PDS5A: variants seen among roughly 807,000 people sequenced by gnomAD.
PDS5A encodes PDS5 cohesin associated factor A.
Under a neutral mutation model 167.1 loss-of-function variants are expected in PDS5A, and 42 were observed. The observed-to-expected ratio is 0.25, with a 90% CI of 0.20 to 0.33. The LOEUF is 0.33. PDS5A is among the 10% of genes least tolerant of loss of function. The pLI, the probability that PDS5A is intolerant of heterozygous loss-of-function variation, is 1.00. For missense variants in PDS5A, 1,033 were observed against 1,605.9 expected (o/e 0.64, Z 6.10); for synonymous variants, 553 against 554.6 (o/e 1.00, Z 0.04).
chr4:39,892,215 G>A (rs1418345834), intron 16 of PDS5A, among the ~76,000 whole-genome samples: 1 of 152,226 alleles, frequency 6.6e-6, no homozygotes, highest in Non-Finnish European at 1.5e-5. Context: ...CGAGGTGACG[G>A]ATCGTTTGAG....
intron 19 of PDS5A, among the ~76,000 whole-genome samples, chr4:39,876,589 A>C (rs1374570871): frequency 6.6e-6 from 1 of 152,210 alleles, no homozygotes; most frequent in Non-Finnish European, 1.5e-5. Context: ...AAGATGCCAA[A>C]GTGAACTATT....
At chr4:39,868,094 AGAT>A (rs1719711826) in intron 22 of PDS5A, among the ~76,000 whole-genome samples, 1 of 152,214 alleles carries the variant, frequency 6.6e-6, no homozygotes, top group Non-Finnish European at 1.5e-5. Context: ...TTATCAAAGA[AGAT>A]GATACAATCT....
At chr4:39,941,503 C>T (rs1458599975) in intron 2 of PDS5A, among the ~76,000 whole-genome samples, 5 of 152,168 alleles carry the variant, frequency 3.3e-5, no homozygotes, top group East Asian at 1.9e-4. Flanking sequence ...TTTCCTATTT[C>T]GTACTATTAT....
intron 20 of PDS5A, among the ~76,000 whole-genome samples, chr4:39,873,552 A>G (rs183154769): frequency 1.4e-3 from 208 of 152,252 alleles, no homozygotes; most frequent in African/African-American, 4.9e-3. Flanking sequence ...ACTATCTCCA[A>G]TTTATGATAA....
intron 2 of PDS5A, among the ~76,000 whole-genome samples, chr4:39,971,863 A>G (rs1309944030): frequency 6.6e-6 from 1 of 152,212 alleles, no homozygotes; most frequent in African/African-American, 2.4e-5. Flanking sequence ...GATTCTAATA[A>G]AAAAACAAAA....
At chr4:39,869,735 T>C (rs1560441562) in intron 21 of PDS5A, among the ~76,000 whole-genome samples, 1 of 152,168 alleles carries the variant, frequency 6.6e-6, no homozygotes, top group Non-Finnish European at 1.5e-5. Context: ...CTTGCATATA[T>C]GGTAATTCAT....
At chr4:39,828,009 A>G (rs1715474510) in intron 32 of PDS5A, among the ~76,000 whole-genome samples, 1 of 152,216 alleles carries the variant, frequency 6.6e-6, no homozygotes, top group Non-Finnish European at 1.5e-5. Flanking sequence ...CAAGTGAACT[A>G]AACTACTGAA....
chr4:39,854,648 C>T (rs1433010467), intron 26 of PDS5A, among the ~76,000 whole-genome samples: 1 of 152,158 alleles, frequency 6.6e-6, no homozygotes, highest in Non-Finnish European at 1.5e-5. Context: ...AATAGCAGAG[C>T]ATATATCACA....
In PDS5A at chr4:39,977,772, C is replaced by T. The variant is rs1249839443; in HGVS notation, c.-356G>A. ...CCGTCCGGGACCCCCGCGGCCCGCC[C>T]GCACGCACCTCGCGCCGGCCCGGAC... is the stretch of plus-strand genomic sequence containing the variant. On this transcript the variant is annotated 5_prime_UTR_variant, in exon 1 of 33. Coordinates refer to ENST00000303538, the MANE Select transcript of PDS5A (RefSeq NM_001100399.2). This position sits in a 1 kb window ranked among gnomAD's most constrained non-coding sequence, Gnocchi z 4.2. 1 of 149,338 alleles carries T rather than the reference C, an allele frequency of 6.7e-6. No homozygotes were observed. 9.3% of individuals were successfully genotyped at this position (149,338 alleles called of 1,614,324 possible).
rs2109839633 is a variant in PDS5A at position 39,977,764 on chromosome 4, GGCCCGCCCGCACGCACCTCGC to G, written c.-369_-349del. On this transcript the variant is annotated 5_prime_UTR_variant, in exon 1 of 33. Transcript: ENST00000303538. The surrounding 1 kb of genome is among the most constrained non-coding windows in gnomAD (Gnocchi z 4.2). ...GCTTGTGTCCGTCCGGGACCCCCGC[GGCCCGCCCGCACGCACCTCGC>G]GCCGGCCCGGACCGCCGACTCGGAC... 1 of 149,356 alleles carries G rather than the reference GGCCCGCCCGCACGCACCTCGC, an allele frequency of 6.7e-6. No individual in the cohort carries two copies. The highest frequency in any genetic ancestry group is 2.4e-5 in the African/African-American group (1 of 41,276). The allele number at this position is 149,356 out of a possible 1,614,324, so 9.3% of individuals were successfully genotyped here. A position where few individuals can be genotyped will look rare whatever the true frequency, so the allele number is the denominator to read the frequency against.
intron 23 of PDS5A, among the ~76,000 whole-genome samples, chr4:39,864,449 A>G (rs1719256505): frequency 6.6e-6 from 1 of 152,198 alleles, no homozygotes; most frequent in Admixed American, 6.5e-5. Flanking sequence ...GACACTGTGG[A>G]TTTTTATTAC....
intron 4 of PDS5A, among the ~76,000 whole-genome samples, chr4:39,926,378 C>A (rs1349825901): frequency 6.6e-6 from 1 of 151,784 alleles, no homozygotes; most frequent in Non-Finnish European, 1.5e-5. Flanking sequence ...ATTAGCCGTG[C>A]GTGGTGGTGT....
intron 16 of PDS5A, among the ~76,000 whole-genome samples, chr4:39,893,524 G>A (rs151199186): frequency 3.4e-4 from 52 of 152,306 alleles, no homozygotes; most frequent in African/African-American, 1.2e-3. Context: ...ACGCATTAGG[G>A]TACAGAGAAG....
chr4:39,888,078 G>A (rs1196365108), intron 17 of PDS5A, among the ~76,000 whole-genome samples: 6 of 151,494 alleles, frequency 4.0e-5, no homozygotes, highest in Non-Finnish European at 5.9e-5. Context: ...GGTGAAACCC[G>A]GTCTCTACTA....
intron 7 of PDS5A, among the ~76,000 whole-genome samples, 198 bp downstream of exon 7, chr4:39,920,121 C>T (rs776695007): frequency 7.2e-5 from 11 of 151,948 alleles, no homozygotes; most frequent in Admixed American, 1.3e-4. Flanking sequence ...GAGTTGCAGA[C>T]GACTTTTCTT....
chr4:39,920,227 C>T (rs1460376742), intron 7 of PDS5A, 92 bp downstream of exon 7: 1 of 541,428 alleles, frequency 1.8e-6, no homozygotes, highest in Non-Finnish European at 3.3e-6. Context: ...TATTTATAAG[C>T]TAAATAAACT....
chr4:39,883,883 G>A lies in PDS5A; in HGVS notation c.1887-4050C>T, dbSNP rs534961912. ...GGACTCAAGTGATCCACCCACCTCCGCCTCCCAAAGTGCTGGGATTTCTGG... is the reference window on the plus strand; with the variant it reads ...GGACTCAAGTGATCCACCCACCTCCACCTCCCAAAGTGCTGGGATTTCTGG... On this transcript the variant is annotated intron_variant, in intron 17 of 32. Coordinates refer to ENST00000303538, the MANE Select transcript of PDS5A (RefSeq NM_001100399.2). Among the ~76,000 whole-genome samples, 5 of 151,372 alleles carry A rather than the reference G, an allele frequency of 3.3e-5. No individual in the cohort carries two copies. In the East Asian group the frequency reaches 7.8e-4, roughly 24 times the overall value.
intron 23 of PDS5A, among the ~76,000 whole-genome samples, chr4:39,866,405 C>T (rs1719457833): frequency 1.3e-5 from 2 of 152,238 alleles, no homozygotes; most frequent in South Asian, 4.1e-4. Flanking sequence ...GCATAGGCCA[C>T]CGCGCCTGGC....
At chr4:39,859,657 C>T (rs537870701) in intron 26 of PDS5A, among the ~76,000 whole-genome samples, 13 of 152,180 alleles carry the variant, frequency 8.5e-5, no homozygotes, top group Non-Finnish European at 1.9e-4. Flanking sequence ...GAGTGCACCA[C>T]CCTGGTCTCC....
Sources: gnomAD v4.1 joint callset for allele counts (sites outside exome capture counted in the v4.1 genomes callset) on GRCh38, gnomAD v4.1.1 for gene constraint, Gnocchi (gnomAD v3.1) non-coding constraint, MANE v1.5 for transcripts, NCBI Gene and HGNC (gene_info 2026-07-23, HGNC 2026-07-21) for gene names.